The following TTC6 variants were observed in gnomAD, a reference collection of about 807,000 sequenced individuals.
The protein encoded by TTC6 is tetratricopeptide repeat domain 6, also known as tetratricopeptide repeat protein 6.
In TTC6, 172 loss-of-function variants were observed where a neutral mutation model predicts 210.4. The ratio of observed to expected loss-of-function variants is 0.82; its 90% CI spans 0.72 to 0.93. TTC6 has a LOEUF of 0.93. Among genes scored for constraint, TTC6 ranks in the 40% least tolerant of loss-of-function variants. TTC6 has a pLI of 0.00. For synonymous variants in TTC6, 804 were observed against 819.6 expected (o/e 0.98, Z 0.32); for missense variants, 2,414 against 2,318.1 (o/e 1.04, Z -0.85).
At chr14:37,662,864 A>G (rs1222251930) in intron 1 of TTC6, among the ~76,000 whole-genome samples, 1 of 151,972 alleles carries the variant, frequency 6.6e-6, no homozygotes, top group Non-Finnish European at 1.5e-5. Flanking sequence ...TGCCTTGGCT[A>G]TTTGGGCTCT....
intron 4 of TTC6, among the ~76,000 whole-genome samples, chr14:37,697,677 C>G (rs777018046): frequency 1.1e-4 from 16 of 152,142 alleles, no homozygotes; most frequent in African/African-American, 3.4e-4. Context: ...ATGAAACAGT[C>G]AAATTGGCAT....
chr14:37,622,350 G>A (rs1427604371), exon 1 of TTC6: 18 of 1,531,408 alleles, frequency 1.2e-5, no homozygotes, highest in Admixed American at 9.9e-5. Context: ...GGTGCTCGGA[G>A]GCGCGCCGCG....
chr14:37,704,436 A>C (rs1013382124), intron 5 of TTC6, among the ~76,000 whole-genome samples: 4 of 152,246 alleles, frequency 2.6e-5, no homozygotes, highest in Non-Finnish European at 5.9e-5. Context: ...CACCCTTGTC[A>C]AACTATGATT....
intron 7 of TTC6, among the ~76,000 whole-genome samples, chr14:37,727,064 CTTTTA>C (rs1292851960): frequency 2.0e-5 from 3 of 151,618 alleles, no homozygotes; most frequent in Non-Finnish European, 2.9e-5. Context: ...AACACCATCC[CTTTTA>C]TTTTATTTTT....
At chr14:37,626,450 A>G (rs895230596) in intron 1 of TTC6, among the ~76,000 whole-genome samples, 15 of 152,224 alleles carry the variant, frequency 9.9e-5, no homozygotes, top group African/African-American at 3.4e-4. Context: ...AGTCTACAAA[A>G]ATGTTATGTT....
intron 1 of TTC6, among the ~76,000 whole-genome samples, chr14:37,657,438 G>T (rs2095726804): frequency 6.6e-6 from 1 of 151,800 alleles, no homozygotes. Context: ...ACCCAGGAGA[G>T]TGTTTGGGAA....
intron 1 of TTC6, among the ~76,000 whole-genome samples, chr14:37,659,644 C>T (rs2095732804): frequency 6.6e-6 from 1 of 152,212 alleles, no homozygotes; most frequent in East Asian, 1.9e-4. Context: ...GCCCAGCCTC[C>T]CGAACAACTG....
At chr14:37,738,276 C>T (rs969579548) in intron 9 of TTC6, among the ~76,000 whole-genome samples, 6 of 151,236 alleles carry the variant, frequency 4.0e-5, no homozygotes, top group Non-Finnish European at 8.9e-5. Context: ...CTGTTACTTC[C>T]TATTATAAAT....
chr14:37,665,085 T>C (rs1294858743), intron 1 of TTC6, among the ~76,000 whole-genome samples: 1 of 150,538 alleles, frequency 6.6e-6, no homozygotes, highest in African/African-American at 2.4e-5. Context: ...TGGAAGACAG[T>C]GTGGCAATTC....
chr14:37,669,019 C>G lies in TTC6; in HGVS notation c.940-11132C>G, dbSNP rs144331259. Among the ~76,000 whole-genome samples, 17 of 152,310 alleles carry G rather than the reference C, an allele frequency of 1.1e-4. No individual in the cohort carries two copies. The East Asian group carries it at 3.1e-3, about 28-fold the overall frequency. On this transcript the variant is annotated intron_variant, in intron 1 of 30. Transcript: ENST00000553443. Reference sequence around the variant, plus strand: ...TGATAAGAGTCTGTTTCTGATGCTTCCAACTGAAAACCTTGACTGAATAGC... The same window carrying G: ...TGATAAGAGTCTGTTTCTGATGCTTGCAACTGAAAACCTTGACTGAATAGC...
chr14:37,610,163 G>T (rs756901538), intron 2 of TTC6, among the ~76,000 whole-genome samples: 1 of 152,180 alleles, frequency 6.6e-6, no homozygotes, highest in East Asian at 1.9e-4. Flanking sequence ...TCTACAGCAG[G>T]AGCTACCTTC....
intron 5 of TTC6, among the ~76,000 whole-genome samples, chr14:37,708,195 G>A (rs925663311): frequency 6.6e-6 from 1 of 151,802 alleles, no homozygotes; most frequent in Admixed American, 6.6e-5. Context: ...TACAAATGTA[G>A]AGACACATAT....
At chr14:37,673,541 G>C (rs1026906945) in intron 1 of TTC6, among the ~76,000 whole-genome samples, 5 of 152,048 alleles carry the variant, frequency 3.3e-5, no homozygotes, top group African/African-American at 9.7e-5. Context: ...GAAGAGTAGA[G>C]GGCAGCTGCT....
intron 10 of TTC6, among the ~76,000 whole-genome samples, chr14:37,742,100 A>G (rs1008855629): frequency 1.7e-4 from 26 of 152,032 alleles, no homozygotes; most frequent in African/African-American, 4.6e-4. Flanking sequence ...ATCTCTACCA[A>G]CGTTCTGTCT....
chr14:37,634,534 G>A (rs1343125044), intron 1 of TTC6, among the ~76,000 whole-genome samples: 1 of 152,114 alleles, frequency 6.6e-6, no homozygotes, highest in African/African-American at 2.4e-5. Context: ...CCTGGAAGAA[G>A]GGGAAAAAGA....
At chr14:37,685,680 G>C (rs1022936091) in intron 3 of TTC6, among the ~76,000 whole-genome samples, 39 of 152,144 alleles carry the variant, frequency 2.6e-4, no homozygotes, top group Non-Finnish European at 5.1e-4. Flanking sequence ...GAAACTTAAA[G>C]TCCAAGATTT....
chr14:37,645,999 C>T (rs1233590851), intron 1 of TTC6, among the ~76,000 whole-genome samples: 1 of 152,160 alleles, frequency 6.6e-6, no homozygotes, highest in East Asian at 1.9e-4. Flanking sequence ...TTATAAACGA[C>T]TACACTGGAA....
intron 14 of TTC6, among the ~76,000 whole-genome samples, chr14:37,769,994 T>C (rs1488231361): frequency 1.3e-5 from 2 of 152,160 alleles, no homozygotes; most frequent in African/African-American, 2.4e-5. Flanking sequence ...GAGATTCTGG[T>C]ATGTTGTGTC....
At chr14:37,640,332 A>G (rs1249020567) in intron 1 of TTC6, among the ~76,000 whole-genome samples, 1 of 152,070 alleles carries the variant, frequency 6.6e-6, no homozygotes, top group African/African-American at 2.4e-5. Flanking sequence ...TTTGGAGGTG[A>G]TCAATTTCTA....
Sources: gnomAD v4.1 joint callset for allele counts (sites outside exome capture counted in the v4.1 genomes callset) on GRCh38, gnomAD v4.1.1 for gene constraint, MANE v1.5 for transcripts, NCBI Gene and HGNC (gene_info 2026-07-23, HGNC 2026-07-21) for gene names.